The following BCAS3 variants were observed in gnomAD, a reference collection of about 807,000 sequenced individuals.
BCAS3 encodes BCAS4/BCAS3 fusion.
In BCAS3, 53 loss-of-function variants were observed where a neutral mutation model predicts 116.1. The observed-to-expected ratio is 0.46, with a 90% CI of 0.37 to 0.57. The LOEUF (loss-of-function observed/expected upper bound fraction) is 0.57, where lower values mean the gene tolerates loss of function less well. BCAS3 is among the 20% of genes least tolerant of loss of function. The pLI, the probability that BCAS3 is intolerant of heterozygous loss-of-function variation, is 0.00. For synonymous variants in BCAS3, 391 were observed against 408.2 expected (o/e 0.96, Z 0.51); for missense variants, 917 against 1,165.4 (o/e 0.79, Z 3.10).
At chr17:60,920,870 A>AAAC (rs58062382) in intron 12 of BCAS3, among the ~76,000 whole-genome samples, 7,247 of 146,562 alleles carry the variant, frequency 0.049, 192 homozygotes, top group Admixed American at 0.081. Context: ...ACTCCATCGC[A>AAAC]AACAACAACA....
intron 11 of BCAS3, among the ~76,000 whole-genome samples, chr17:60,908,117 T>G (rs1205537263): frequency 6.6e-6 from 1 of 152,178 alleles, no homozygotes; most frequent in Non-Finnish European, 1.5e-5. Context: ...TGAGTTTAGA[T>G]TTTTGTCCAC....
intron 16 of BCAS3, among the ~76,000 whole-genome samples, chr17:61,022,387 G>A (rs1286429078): frequency 6.6e-6 from 1 of 151,946 alleles, no homozygotes; most frequent in Non-Finnish European, 1.5e-5. Context: ...GTAGCTGGAG[G>A]CGCCCGCCAC....
At chr17:61,047,350 T>A (rs920957711) in intron 19 of BCAS3, among the ~76,000 whole-genome samples, 1 of 152,000 alleles carries the variant, frequency 6.6e-6, no homozygotes, top group Admixed American at 6.6e-5. Context: ...TTGGCATTTT[T>A]AATAAGTTTT....
chr17:60,759,630 C>CTTT (rs35135127), intron 6 of BCAS3, among the ~76,000 whole-genome samples: 7 of 25,272 alleles, frequency 2.8e-4, no homozygotes, highest in African/African-American at 3.3e-4. Context: ...ATAGTGACTT[C>CTTT]TTTTTTTTTT....
chr17:60,942,368 A>G (rs2060270705), intron 13 of BCAS3, among the ~76,000 whole-genome samples: 1 of 152,180 alleles, frequency 6.6e-6, no homozygotes, highest in Non-Finnish European at 1.5e-5. Flanking sequence ...CGGAGGTTGC[A>G]GTGAGCCAAG....
rs2056818280 is a variant in BCAS3, at chr17:61,337,519, C to A, written c.2426-30808C>A. On this transcript the variant is annotated intron_variant, in intron 22 of 23. Transcript: ENST00000407086. The surrounding 1 kb of genome is among the most constrained non-coding windows in gnomAD (Gnocchi z 4.8). ...CTTCCTCTTGGAGCAACAAAATGCTCCCAGGGATCCTCCTGCCAAGATCCT... is the reference window on the plus strand; with the variant it reads ...CTTCCTCTTGGAGCAACAAAATGCTACCAGGGATCCTCCTGCCAAGATCCT... 6.6e-6 allele frequency among the ~76,000 whole-genome samples: 1 copy of A among 152,146 alleles called. No individual in the cohort carries two copies. The highest frequency in any genetic ancestry group is 2.1e-4 in the South Asian group (1 of 4,828).
chr17:60,879,656 A>G (rs936280661), intron 9 of BCAS3, among the ~76,000 whole-genome samples: 4 of 152,244 alleles, frequency 2.6e-5, no homozygotes, highest in Non-Finnish European at 5.9e-5. Context: ...CAGAGAGATC[A>G]AAGGAGTGTA....
intron 22 of BCAS3, among the ~76,000 whole-genome samples, chr17:61,240,208 C>T (rs1392965121): frequency 1.3e-5 from 2 of 152,202 alleles, no homozygotes; most frequent in Admixed American, 6.5e-5. Flanking sequence ...ATTTCTTCTA[C>T]TTACAACCAT....
At chr17:60,918,046 C>T (rs2058866673) in intron 12 of BCAS3, among the ~76,000 whole-genome samples, 1 of 152,160 alleles carries the variant, frequency 6.6e-6, no homozygotes, top group Admixed American at 6.5e-5. Context: ...AATTACCAAG[C>T]TATTTTTCAC....
intron 6 of BCAS3, among the ~76,000 whole-genome samples, chr17:60,760,324 T>C (rs937345665): frequency 3.3e-5 from 5 of 152,244 alleles, no homozygotes; most frequent in Admixed American, 1.3e-4. Context: ...CATGATAGGG[T>C]ATGTGTTATT....
At chr17:61,272,932 C>A (rs1296402096) in intron 22 of BCAS3, among the ~76,000 whole-genome samples, 1 of 151,954 alleles carries the variant, frequency 6.6e-6, no homozygotes, top group Non-Finnish European at 1.5e-5. Flanking sequence ...TCTCCTATGC[C>A]CTCCTGTATC....
At chr17:61,334,163 T>C (rs2056513796) in intron 22 of BCAS3, among the ~76,000 whole-genome samples, 1 of 152,134 alleles carries the variant, frequency 6.6e-6, no homozygotes, top group Non-Finnish European at 1.5e-5. Context: ...AACAAAGAGC[T>C]TCTGAGCTCA....
rs2144301483 is a variant in BCAS3 at position 61,204,987 on chromosome 17, A to G, written c.2425+120423A>G. On this transcript the variant is annotated intron_variant, in intron 22 of 23. Coordinates refer to ENST00000407086, the MANE Select transcript of BCAS3 (RefSeq NM_017679.5). The surrounding 1 kb of genome is among the most constrained non-coding windows in gnomAD (Gnocchi z 4.2). The stretch of plus-strand genomic sequence containing the variant: ...GGATCACCTGAGCCCAGAGAGGTTG[A>G]GGCTGCAGTGAGCCATGATTGTGCC... Among the ~76,000 whole-genome samples the G allele has an allele frequency of 6.6e-6, 1 of 152,198 alleles. No individual in the cohort carries two copies. Among genetic ancestry groups the G allele is most frequent in the East Asian group, 1.9e-4 (1 of 5,190 alleles).
chr17:61,058,887 C>G (rs1440237170), intron 19 of BCAS3, among the ~76,000 whole-genome samples: 1 of 151,850 alleles, frequency 6.6e-6, no homozygotes, highest in Non-Finnish European at 1.5e-5. Flanking sequence ...ATAAATTTAA[C>G]TTAAAATAAT....
At chr17:60,731,676 A>G (rs561942255) in intron 5 of BCAS3, among the ~76,000 whole-genome samples, 101 of 151,672 alleles carry the variant, frequency 6.7e-4, no homozygotes, top group Middle Eastern at 3.2e-3. Flanking sequence ...CATTTTCTAT[A>G]TATGTTTAAA....
intron 5 of BCAS3, among the ~76,000 whole-genome samples, chr17:60,723,171 C>G (rs1452143727): frequency 6.6e-6 from 1 of 152,012 alleles, no homozygotes; most frequent in East Asian, 1.9e-4. Context: ...TTTGCTTTGT[C>G]ATTCTTTCAG....
intron 11 of BCAS3, among the ~76,000 whole-genome samples, chr17:60,909,379 G>C (rs955641165): frequency 2.0e-5 from 3 of 151,912 alleles, no homozygotes; most frequent in Non-Finnish European, 1.5e-5. Context: ...TTCAAATTTA[G>C]CCATAGCATG....
At chr17:60,991,002 A>G (rs1411432040) in intron 15 of BCAS3, among the ~76,000 whole-genome samples, 1 of 152,202 alleles carries the variant, frequency 6.6e-6, no homozygotes, top group African/African-American at 2.4e-5. Flanking sequence ...TCAGTAATTT[A>G]TCTTAGAGCA....
At chr17:60,996,170 C>T (rs1484093840) in intron 15 of BCAS3, among the ~76,000 whole-genome samples, 1 of 152,014 alleles carries the variant, frequency 6.6e-6, no homozygotes, top group Non-Finnish European at 1.5e-5. Context: ...CTCTGGAGGG[C>T]ATTGAGAATA....
Sources: gnomAD v4.1 joint callset for allele counts (sites outside exome capture counted in the v4.1 genomes callset) on GRCh38, gnomAD v4.1.1 for gene constraint, Gnocchi (gnomAD v3.1) non-coding constraint, MANE v1.5 for transcripts, NCBI Gene and HGNC (gene_info 2026-07-23, HGNC 2026-07-21) for gene names.